GPR55: variants seen among roughly 807,000 people sequenced by gnomAD.
The protein encoded by GPR55 is G protein-coupled receptor 55, also known as G-protein coupled receptor 55.
In GPR55, 6 loss-of-function variants were observed where a neutral mutation model predicts 7.9. That is an observed-to-expected ratio of 0.76 (90% CI 0.41 to 1.49). GPR55 has a LOEUF of 1.49. Ranked by LOEUF, GPR55 falls within the 40% of genes most tolerant of loss-of-function variation. The pLI is 0.01. For missense variants in GPR55, 376 were observed against 406.0 expected (o/e 0.93, Z 0.63); for synonymous variants, 183 against 166.8 (o/e 1.10, Z -0.75).
chr2:230,939,156 C>A (rs758091259), intron 1 of GPR55, among the ~76,000 whole-genome samples: 104 of 152,336 alleles, frequency 6.8e-4, no homozygotes, highest in African/African-American at 2.4e-3. Flanking sequence ...CACAGAGAAC[C>A]AAGAGCTCAG....
intron 1 of GPR55, among the ~76,000 whole-genome samples, chr2:230,933,201 C>T (rs550881579): frequency 1.2e-4 from 8 of 68,334 alleles, no homozygotes; most frequent in African/African-American, 5.3e-4. Context: ...CCCTTCCCTC[C>T]GCCCTCTCTG....
chr2:230,915,221 C>A (rs1355133437), intron 1 of GPR55, among the ~76,000 whole-genome samples: 6 of 152,214 alleles, frequency 3.9e-5, no homozygotes, highest in Non-Finnish European at 7.3e-5. Flanking sequence ...GGAGTGGGTT[C>A]TCTGGAATTC....
At chr2:230,927,819 G>A (rs6730331), upstream of GPR55, among the ~76,000 whole-genome samples, 28,774 of 152,256 alleles carry the variant, frequency 0.19, 2,713 homozygotes, top group East Asian at 0.24. Context: ...GGTGAAATTC[G>A]CTCCTTCAGC....
chr2:230,919,282 CAG>C (rs1193784171), intron 1 of GPR55, among the ~76,000 whole-genome samples: 1 of 151,972 alleles, frequency 6.6e-6, no homozygotes, highest in Non-Finnish European at 1.5e-5. Flanking sequence ...ATCAAAGAAA[CAG>C]AAAATAAACA....
intron 1 of GPR55, among the ~76,000 whole-genome samples, chr2:230,948,640 C>A (rs1405021725): frequency 6.6e-6 from 1 of 152,184 alleles, no homozygotes; most frequent in Non-Finnish European, 1.5e-5. Context: ...ATATTCCTTC[C>A]ATGCCAGTGC....
chr2:230,953,482 A>G (rs1324122110), intron 1 of GPR55, among the ~76,000 whole-genome samples: 5 of 152,210 alleles, frequency 3.3e-5, no homozygotes, highest in African/African-American at 1.2e-4. Context: ...CTGGCTCTGG[A>G]AGCTGGAAAG....
chr2:230,951,735 G>C (rs1691405975), intron 1 of GPR55, among the ~76,000 whole-genome samples: 1 of 147,076 alleles, frequency 6.8e-6, no homozygotes, highest in Non-Finnish European at 1.5e-5. Flanking sequence ...GTACATTTGT[G>C]GGTTTTTTGT....
chr2:230,909,925 A>G lies in GPR55; in HGVS notation c.*78T>C. On this transcript the variant is annotated 3_prime_UTR_variant, in exon 2 of 2. Transcript: ENST00000650999. ...AAGATGGTGCGGATCATCCCACCAC[A>G]TCAAAACCCTGGAACGCGATATCCG... is the stretch of plus-strand genomic sequence containing the variant. The G allele has an allele frequency of 7.1e-7, 1 of 1,412,384 alleles. No individual in the cohort carries two copies. The highest frequency in any genetic ancestry group is 9.7e-7 in the Non-Finnish European group (1 of 1,026,018). The allele number at this position is 1,412,384 out of a possible 1,614,324, so 87.5% of individuals were successfully genotyped here.
At chr2:230,931,408 C>T (rs1296856458) in intron 1 of GPR55, among the ~76,000 whole-genome samples, 1 of 152,170 alleles carries the variant, frequency 6.6e-6, no homozygotes, top group Non-Finnish European at 1.5e-5. Flanking sequence ...GAGCCCTGTG[C>T]CCAAATGTGC....
intron 1 of GPR55, among the ~76,000 whole-genome samples, chr2:230,935,319 G>A (rs1190573960): frequency 6.6e-6 from 1 of 152,212 alleles, no homozygotes; most frequent in African/African-American, 2.4e-5. Context: ...CCCCAGCGCA[G>A]CCTCCTGTCT....
At position 230,910,923 on chromosome 2, in the gene GPR55, C is replaced by T. The variant is rs377043279; in HGVS notation, c.40G>A (p.Gly14Ser). 92 of 1,609,420 alleles carry T rather than the reference C, an allele frequency of 5.7e-5. No homozygotes were observed. Among genetic ancestry groups the T allele is most frequent in the Non-Finnish European group, 7.1e-5 (83 of 1,176,106 alleles). Residue 14 changes from glycine to serine, a missense_variant, in exon 2 of 2, where the codon GGT becomes AGT. Coordinates refer to ENST00000650999, the MANE Select transcript of GPR55 (RefSeq NM_005683.4). This position sits in a 1 kb window ranked among gnomAD's most constrained non-coding sequence, Gnocchi z 5.4. ...QNTSGDCLFD[G>S]VNELMKTLQF... is the part of the protein sequence containing the mutation. ...AGGGTTTTCATCAGCTCGTTGACAC[C>T]GTCAAACAGGCAGTCCCCACTGGTG... is the stretch of plus-strand genomic sequence containing the variant.
chr2:230,951,377 T>C (rs1691402190), intron 1 of GPR55, among the ~76,000 whole-genome samples: 1 of 152,174 alleles, frequency 6.6e-6, no homozygotes, highest in Non-Finnish European at 1.5e-5. Flanking sequence ...AGGAAAAACA[T>C]GGTTTGGGAG....
At chr2:230,929,314 C>T (rs1690993757), upstream of GPR55, among the ~76,000 whole-genome samples, 2 of 152,148 alleles carry the variant, frequency 1.3e-5, no homozygotes, top group South Asian at 2.1e-4. Flanking sequence ...GCCCCCAAGC[C>T]CCCCAACTCG....
At chr2:230,950,474 G>A (rs73995423) in intron 1 of GPR55, among the ~76,000 whole-genome samples, 1 of 151,444 alleles carries the variant, frequency 6.6e-6, no homozygotes, top group Non-Finnish European at 1.5e-5. Context: ...CTTCTTTCCC[G>A]CACTCCAGCC....
At chr2:230,911,208 A>C (rs1295487861) in intron 1 of GPR55, 112 bp from the exon 2 acceptor site, 17 of 495,754 alleles carry the variant, frequency 3.4e-5, no homozygotes, top group Non-Finnish European at 7.3e-6. Flanking sequence ...TCTACCATAC[A>C]CACATTTTTC....
Position 230,909,095 on chromosome 2 carries a change from A to G in GPR55, c.*908T>C, listed in dbSNP as rs929176991. The G allele has an allele frequency of 2.0e-5, 3 of 152,304 alleles. No individual in the cohort carries two copies. The highest frequency in any genetic ancestry group is 4.4e-5 in the Non-Finnish European group (3 of 68,098). 9.4% of individuals were successfully genotyped at this position (152,304 alleles called of 1,614,324 possible). A position where few individuals can be genotyped will look rare whatever the true frequency, so the allele number is the denominator to read the frequency against. ...TTCAAGGAAGCTAGCTGTAATGAGC[A>G]ACTTCCCAGTCTGTTTAAGATAGAA... On this transcript the variant is annotated 3_prime_UTR_variant, in exon 2 of 2. Coordinates refer to ENST00000650999, the MANE Select transcript of GPR55 (RefSeq NM_005683.4).
Position 230,924,827 on chromosome 2 carries a change from C to A in GPR55, c.-135+341G>T, listed in dbSNP as rs1013306887. Among the ~76,000 whole-genome samples the A allele has an allele frequency of 6.6e-6, 1 of 152,094 alleles. No homozygotes were observed. Among genetic ancestry groups the A allele is most frequent in the Non-Finnish European group, 1.5e-5 (1 of 68,002 alleles). On this transcript the variant is annotated intron_variant, in intron 1 of 1. Transcript: ENST00000650999. The surrounding 1 kb of genome is among the most constrained non-coding windows in gnomAD (Gnocchi z 4.5). ...AGGGCGGTGGCACGTGAGCTACATG[C>A]CCCGGGAAGGCTCCCAGGCTGCCTA... is the stretch of plus-strand genomic sequence containing the variant.
chr2:230,947,741 A>G (rs1194164701), intron 1 of GPR55, among the ~76,000 whole-genome samples: 1 of 151,872 alleles, frequency 6.6e-6, no homozygotes, highest in Admixed American at 6.6e-5. Flanking sequence ...GGCTCAAGCA[A>G]TCTTCTCACC....
chr2:230,928,941 T>C (rs995762701), upstream of GPR55, among the ~76,000 whole-genome samples: 2 of 152,306 alleles, frequency 1.3e-5, no homozygotes, highest in South Asian at 2.1e-4. Flanking sequence ...GGCCCCATCC[T>C]ATGGCTCCCC....
Sources: allele counts gnomAD v4.1 joint callset (sites outside exome capture counted in the v4.1 genomes callset), GRCh38; gene constraint gnomAD v4.1.1; non-coding constraint Gnocchi (gnomAD v3.1); transcripts MANE v1.5; gene names NCBI Gene and HGNC (gene_info 2026-07-23, HGNC 2026-07-21).